Variants in CELF2 observed in about 807,000 individuals in gnomAD.
CELF2 encodes the protein CUG triplet repeat RNA-binding protein 2.
CELF2 carries 8 observed loss-of-function variants against 62.6 expected under a neutral mutation model. The ratio of observed to expected loss-of-function variants is 0.13; its 90% CI spans 0.07 to 0.23. The LOEUF is 0.23. CELF2 is among the 10% of genes least tolerant of loss of function. The probability of loss-of-function intolerance (pLI) is 1.00; values close to 1 mark genes in which losing one functional copy is unlikely to be tolerated. For synonymous variants in CELF2, 258 were observed against 250.0 expected, an observed-to-expected ratio of 1.03 and a Z score of -0.30; for missense variants, 333 against 671.0, an observed-to-expected ratio of 0.50 and a Z score of 5.56.
At chr10:11,317,802 A>T (rs184928873) in intron 10 of CELF2, 8 of 152,324 alleles carry the variant, frequency 5.3e-5, no homozygotes, top group Admixed American at 2.6e-4. Flanking sequence ...GGCAGAAGAA[A>T]CTCAGTAGTC....
chr10:10,587,553 A>G, the CELF2 span, among the ~76,000 whole-genome samples: 1 of 152,338 alleles, frequency 6.6e-6, no homozygotes, highest in East Asian at 1.9e-4. Flanking sequence ...AAACATAAAA[A>G]TAGAATAACA....
At chr10:10,656,801 G>C in the CELF2 span, among the ~76,000 whole-genome samples, 1 of 145,372 alleles carries the variant, frequency 6.9e-6, no homozygotes, top group Admixed American at 6.9e-5. Flanking sequence ...CAGCGCACCA[G>C]CATGGCACAT....
chr10:11,194,598 G>C (rs2056923666), intron 2 of CELF2, among the ~76,000 whole-genome samples: 1 of 152,178 alleles, frequency 6.6e-6, no homozygotes, highest in East Asian at 1.9e-4. Flanking sequence ...ACAAAGGGAA[G>C]ATGGCCCGTA....
chr10:10,554,846 A>G, the CELF2 span, among the ~76,000 whole-genome samples: 1 of 152,204 alleles, frequency 6.6e-6, no homozygotes. Flanking sequence ...CCTGAAACTC[A>G]TGTATTTCCC....
intron 5 of CELF2, among the ~76,000 whole-genome samples, chr10:11,259,389 G>A (rs925553674): frequency 4.0e-5 from 6 of 148,408 alleles, no homozygotes; most frequent in African/African-American, 1.0e-4. Flanking sequence ...GTGGAACCAC[G>A]CCAAGCTTTT....
intron 2 of CELF2, among the ~76,000 whole-genome samples, chr10:10,964,430 G>A (rs919035100): frequency 2.0e-5 from 3 of 152,144 alleles, no homozygotes; most frequent in Non-Finnish European, 4.4e-5. Flanking sequence ...CTTCAAAAAG[G>A]TAATTTGCTA....
At chr10:11,150,839 C>G (rs1300062572) in intron 1 of CELF2, among the ~76,000 whole-genome samples, 1 of 152,156 alleles carries the variant, frequency 6.6e-6, no homozygotes, top group Non-Finnish European at 1.5e-5. Context: ...ATTTTGGAGC[C>G]CCAGTCTAGA....
chr10:10,932,598 G>T (rs1219576519), intron 2 of CELF2, among the ~76,000 whole-genome samples: 1 of 151,870 alleles, frequency 6.6e-6, no homozygotes, highest in Non-Finnish European at 1.5e-5. Flanking sequence ...TTCAAAAGTA[G>T]GAATCAATTT....
At chr10:10,716,877 T>TTAAA in the CELF2 span, among the ~76,000 whole-genome samples, 1 of 152,224 alleles carries the variant, frequency 6.6e-6, no homozygotes, top group Admixed American at 6.5e-5. Context: ...CTAAATTTCA[T>TTAAA]GACCCAGATG....
chr10:10,471,805 C>T, the CELF2 span, among the ~76,000 whole-genome samples: 1 of 151,784 alleles, frequency 6.6e-6, no homozygotes, highest in African/African-American at 2.4e-5. Context: ...TAAATTTTCT[C>T]ACTTTATATT....
At position 11,098,136 on chromosome 10, in the gene CELF2, T is replaced by C. The variant is rs185069819; in HGVS notation, c.75-67350T>C. The C allele has an allele frequency of 3.1e-4, 47 of 152,598 alleles. No homozygotes were observed. The highest frequency in any genetic ancestry group is 1.1e-3 in the African/African-American group (46 of 41,556). The allele number at this position is 152,598 out of a possible 1,614,324, so 9.5% of individuals were successfully genotyped here. A position where few individuals can be genotyped will look rare whatever the true frequency, so the allele number is the denominator to read the frequency against. On this transcript the variant is annotated intron_variant, in intron 1 of 12. Transcript: ENST00000633077. This position sits in a 1 kb window ranked among gnomAD's most constrained non-coding sequence, Gnocchi z 4.0. ...CGTGGCTAGTGAAGGTTGAGCATGT[T>C]GTGTGTGTGAAGGATGAGGTGTGTT...
At chr10:10,637,961 G>T in the CELF2 span, among the ~76,000 whole-genome samples, 4 of 152,208 alleles carry the variant, frequency 2.6e-5, no homozygotes, top group East Asian at 7.7e-4. Context: ...AAAATCATAA[G>T]GTTATTATAT....
At chr10:10,476,885 C>T in the CELF2 span, among the ~76,000 whole-genome samples, 3 of 151,966 alleles carry the variant, frequency 2.0e-5, no homozygotes, top group Non-Finnish European at 4.4e-5. Context: ...CTTAACTGTT[C>T]TTCATTTTGT....
the CELF2 span, among the ~76,000 whole-genome samples, chr10:10,640,460 C>T: frequency 2.6e-5 from 4 of 152,350 alleles, no homozygotes; most frequent in Non-Finnish European, 4.4e-5. Context: ...CCAATATCCC[C>T]TTCCCCTCCT....
chr10:11,208,305 G>A (rs756707833), intron 2 of CELF2, among the ~76,000 whole-genome samples: 14 of 152,188 alleles, frequency 9.2e-5, no homozygotes, highest in African/African-American at 1.7e-4. Context: ...GAAAAGGCAC[G>A]CAGGTTGATG....
At chr10:10,841,169 A>G (rs2058656710) in intron 1 of CELF2, among the ~76,000 whole-genome samples, 1 of 152,110 alleles carries the variant, frequency 6.6e-6, no homozygotes, top group Non-Finnish European at 1.5e-5. Context: ...ATGTGTCTTT[A>G]TGGTAGAATG....
chr10:10,580,554 G>A, the CELF2 span, among the ~76,000 whole-genome samples: 26 of 152,188 alleles, frequency 1.7e-4, no homozygotes, highest in South Asian at 6.2e-4. Context: ...TGTGACCTTC[G>A]GCAAGCTCCT....
chr10:10,592,628 G>C, the CELF2 span, among the ~76,000 whole-genome samples: 1 of 152,146 alleles, frequency 6.6e-6, no homozygotes, highest in Admixed American at 6.5e-5. Flanking sequence ...GTGAATTAAA[G>C]AGTGTCAAAA....
intron 1 of CELF2, among the ~76,000 whole-genome samples, chr10:11,069,382 T>C (rs867613196): frequency 6.6e-6 from 1 of 152,224 alleles, no homozygotes; most frequent in Non-Finnish European, 1.5e-5. Context: ...AAATCTCAGA[T>C]TCTTCAGACG....
Sources: gnomAD v4.1 joint callset for allele counts (sites outside exome capture counted in the v4.1 genomes callset) on GRCh38, gnomAD v4.1.1 for gene constraint, Gnocchi (gnomAD v3.1) non-coding constraint, MANE v1.5 for transcripts, NCBI Gene and HGNC (gene_info 2026-07-23, HGNC 2026-07-21) for gene names.